The following SLC20A2 variants were observed in gnomAD, a reference collection of about 807,000 sequenced individuals.
SLC20A2 encodes the protein solute carrier family 20 member 2, also known as sodium-dependent phosphate transporter 2.
In SLC20A2, 30 loss-of-function variants were observed where a neutral mutation model predicts 61.0. The ratio of observed to expected loss-of-function variants is 0.49; its 90% CI spans 0.37 to 0.67. The LOEUF (loss-of-function observed/expected upper bound fraction) is 0.67. SLC20A2 is among the 30% of genes least tolerant of loss of function. The pLI is 0.00. For missense variants in SLC20A2, 626 were observed against 866.4 expected (o/e 0.72, Z 3.48); for synonymous variants, 351 against 353.3 (o/e 0.99, Z 0.07).
intron 1 of SLC20A2, among the ~76,000 whole-genome samples, chr8:42,539,989 C>A (rs1026071173): frequency 6.6e-6 from 1 of 152,158 alleles, no homozygotes; most frequent in African/African-American, 2.4e-5. Flanking sequence ...AAGGCATAAA[C>A]AAGCATTTAA....
At chr8:42,423,028 A>G (rs969661977) in intron 10 of SLC20A2, among the ~76,000 whole-genome samples, 1 of 152,160 alleles carries the variant, frequency 6.6e-6, no homozygotes, top group Non-Finnish European at 1.5e-5. Context: ...TCCTAATTTT[A>G]ATACTTGGTT....
chr8:42,460,182 T>C, intron 4 of SLC20A2, 190 bp from the exon 5 acceptor site: 1 of 496,036 alleles, frequency 2.0e-6, no homozygotes, highest in Non-Finnish European at 3.7e-6. Context: ...TGGGGCCATC[T>C]CTCCCACACA....
rs1445303592 is a variant in SLC20A2 at position 42,451,540 on chromosome 8, A to G, written c.614-6778T>C. 2.1e-5 allele frequency among the ~76,000 whole-genome samples: 3 copies of G among 141,996 alleles called. No homozygotes were observed. The East Asian group carries it at 6.9e-4, about 33-fold the overall frequency. 93.2% of individuals were successfully genotyped at this position (141,996 alleles called of 152,430 possible). On this transcript the variant is annotated intron_variant, in intron 5 of 10. Coordinates refer to ENST00000520262, the MANE Select transcript of SLC20A2 (RefSeq NM_001257180.2). Reference sequence around the variant, plus strand: ...GAGGAGGAGAAGGAAGAGATGAAAGAGGAGGAAAAGATGGAGGAGGAAGAG... The same window carrying G: ...GAGGAGGAGAAGGAAGAGATGAAAGGGGAGGAAAAGATGGAGGAGGAAGAG...
chr8:42,540,683 G>A (rs999282618), intron 1 of SLC20A2, among the ~76,000 whole-genome samples: 1 of 152,212 alleles, frequency 6.6e-6, no homozygotes, highest in Admixed American at 6.5e-5. Context: ...AGGGTTTCAT[G>A]TGACTTATAA....
In SLC20A2 at chr8:42,488,519, A is replaced by G. The variant is rs573090963; in HGVS notation, c.-265+12512T>C. On this transcript the variant is annotated intron_variant, in intron 1 of 10. Transcript: ENST00000520262. Reference sequence around the variant, plus strand: ...CTGCTATTAAAATGGGTATACAAATATCTTTCCAAGACCACACTTTCAGTC... The same window carrying G: ...CTGCTATTAAAATGGGTATACAAATGTCTTTCCAAGACCACACTTTCAGTC... Among the ~76,000 whole-genome samples the G allele has an allele frequency of 2.6e-5, 4 of 152,214 alleles. No individual in the cohort carries two copies. In the South Asian group the frequency reaches 6.2e-4, roughly 24 times the overall value.
At chr8:42,425,995 C>T (rs1019595701) in intron 10 of SLC20A2, among the ~76,000 whole-genome samples, 4 of 151,956 alleles carry the variant, frequency 2.6e-5, no homozygotes, top group Non-Finnish European at 5.9e-5. Context: ...GAGATGGCGC[C>T]ACTGCACTCC....
At chr8:42,444,525 G>T (rs1364419998) in intron 6 of SLC20A2, 121 bp downstream of exon 6, 3 of 729,662 alleles carry the variant, frequency 4.1e-6, no homozygotes, top group Admixed American at 2.1e-5. Context: ...AGAGGATGGG[G>T]TATGTTCTGG....
chr8:42,465,336 C>T (rs969232998), intron 3 of SLC20A2, among the ~76,000 whole-genome samples: 10 of 151,688 alleles, frequency 6.6e-5, no homozygotes, highest in African/African-American at 1.9e-4. Context: ...GGATTATAGG[C>T]GTGAGCCACC....
intron 1 of SLC20A2, among the ~76,000 whole-genome samples, chr8:42,481,565 C>G (rs1244981907): frequency 6.6e-6 from 1 of 152,110 alleles, no homozygotes; most frequent in Non-Finnish European, 1.5e-5. Context: ...CTGCCGGGCT[C>G]TCACCCTTCA....
At position 42,494,905 on chromosome 8, in the gene SLC20A2, G is replaced by A. The variant is rs11990207; in HGVS notation, c.-265+6126C>T. 8.3e-3 allele frequency among the ~76,000 whole-genome samples: 1,269 copies of A among 152,134 alleles called. 9 individuals are homozygous for A. Among genetic ancestry groups the A allele is most frequent in the African/African-American group, 0.029 (1,211 of 41,490 alleles). ...TCTGTCACCCAGGCTGGAGTGCAAC[G>A]GTGCGATCTCGGCTCCCTGCAACCT... On this transcript the variant is annotated intron_variant, in intron 1 of 10. Coordinates refer to ENST00000520262, the MANE Select transcript of SLC20A2 (RefSeq NM_001257180.2).
chr8:42,493,739 T>G (rs1809694953), intron 1 of SLC20A2, among the ~76,000 whole-genome samples: 1 of 152,180 alleles, frequency 6.6e-6, no homozygotes, highest in African/African-American at 2.4e-5. Context: ...ACTCCAGAAT[T>G]AACAGAATTA....
In SLC20A2 at chr8:42,437,224, A is replaced by G; in HGVS notation, c.1288T>C (p.Tyr430His). Residue 430 changes from tyrosine (Y) to histidine (H), a missense_variant, in exon 8 of 11, where the codon TAC (tyrosine) becomes CAC (histidine). Physicochemically the swap from Tyr to His is moderately conservative, Grantham distance 83. Around this residue, in one of 3 missense-constraint regions of SLC20A2, gnomAD observed 361 missense variants for 422.3 expected, o/e 0.85. Transcript: ENST00000520262. The surrounding 1 kb of genome is among the most constrained non-coding windows in gnomAD (Gnocchi z 6.4). ...TVSYSKKRLRYDSYSSYCNAV... is the reference protein window; with the variant it reads ...TVSYSKKRLRHDSYSSYCNAV... ...TTACAGTAGCTCGAGTAGCTGTCGT[A>G]GCGCAGCCTCTTCTTGGAGTAGGAC... is the stretch of plus-strand genomic sequence containing the variant. 1 of 1,613,798 alleles carries G rather than the reference A, an allele frequency of 6.2e-7. No homozygotes were observed. Among genetic ancestry groups the G allele is most frequent in the Non-Finnish European group, 8.5e-7 (1 of 1,180,010 alleles).
At chr8:42,458,660 C>T (rs1269195582) in intron 5 of SLC20A2, among the ~76,000 whole-genome samples, 1 of 150,216 alleles carries the variant, frequency 6.7e-6, no homozygotes, top group African/African-American at 2.5e-5. Flanking sequence ...GTAATCCCAG[C>T]ACTTTGGGAG....
intron 1 of SLC20A2, among the ~76,000 whole-genome samples, chr8:42,497,714 GTTTT>G (rs35618027): frequency 7.4e-5 from 10 of 135,578 alleles, no homozygotes; most frequent in Non-Finnish European, 1.5e-4. Context: ...CCCTCAATTG[GTTTT>G]TTTTTTTTTT....
chr8:42,519,768 G>T (rs150425513), intron 1 of SLC20A2, among the ~76,000 whole-genome samples: 51 of 152,252 alleles, frequency 3.3e-4, no homozygotes, highest in African/African-American at 1.2e-3. Flanking sequence ...AACTTAAAGT[G>T]ACTTAAATTT....
At chr8:42,438,351 T>G (rs1278155776) in intron 7 of SLC20A2, among the ~76,000 whole-genome samples, 1 of 152,168 alleles carries the variant, frequency 6.6e-6, no homozygotes. Flanking sequence ...CTCAGCTCTG[T>G]CACCCAGGCT....
At position 42,428,823 on chromosome 8, in the gene SLC20A2, C is replaced by A. The variant is rs779663864; in HGVS notation, c.1729G>T (p.Ala577Ser). 1.2e-6 allele frequency: 2 copies of A among 1,603,260 alleles called. No homozygotes were observed. Among genetic ancestry groups the A allele is most frequent in the Admixed American group, 3.4e-5 (2 of 58,530 alleles). The change falls in exon 10 of 11, where the codon GCC becomes TCC. Residue 577 changes from alanine to serine, a missense_variant. Ala to Ser is a moderately conservative substitution (Grantham distance 99, BLOSUM62 1). Coordinates refer to ENST00000520262, the MANE Select transcript of SLC20A2 (RefSeq NM_001257180.2). ...GCGATCACCACTGTGAAGGCTGAGG[C>A]CAGCTCGATCGTGAAGCCGCTGTGG... ...TPSSGFTIELASAFTVVIASN... is the reference protein window; with the variant it reads ...TPSSGFTIELSSAFTVVIASN...
chr8:42,535,111 G>T (rs1004123353), intron 1 of SLC20A2: 1 of 152,078 alleles, frequency 6.6e-6, no homozygotes, highest in Non-Finnish European at 1.5e-5. Flanking sequence ...CCTTTTCTTT[G>T]GTTTTTGACT....
rs1385388808 is a variant in SLC20A2 at position 42,430,234 on chromosome 8, G to T, written c.1539C>A (p.Pro513=). 6.2e-7 allele frequency: 1 copy of T among 1,611,794 alleles called. No homozygotes were observed. Among genetic ancestry groups the T allele is most frequent in the Non-Finnish European group, 8.5e-7 (1 of 1,179,330 alleles). Residue 513 remains proline, a synonymous_variant, in exon 9 of 11, where the codon CCC becomes CCA. Transcript: ENST00000520262. ...GGNDVSNAIG[P]LVALWLIYKQ... ...TGTAAATCAGCCACAAGGCTACCAG[G>T]GGACCGATGGCATTACTGGGAAAAA...
Sources: allele counts gnomAD v4.1 joint callset (sites outside exome capture counted in the v4.1 genomes callset), GRCh38; gene constraint gnomAD v4.1.1; regional missense constraint gnomAD v4.1.1; non-coding constraint Gnocchi (gnomAD v3.1); transcripts MANE v1.5; gene names NCBI Gene and HGNC (gene_info 2026-07-23, HGNC 2026-07-21).